The following CPED1 variants were observed in gnomAD, a reference collection of about 807,000 sequenced individuals.
CPED1 encodes the protein cadherin like and PC-esterase domain containing 1.
In CPED1, 114 loss-of-function variants were observed where a neutral mutation model predicts 128.2. The observed-to-expected ratio is 0.89, with a 90% CI of 0.76 to 1.04. The LOEUF (loss-of-function observed/expected upper bound fraction) is 1.04. Ranked by LOEUF, CPED1 falls within the 50% of genes least tolerant of loss-of-function variation. The pLI, the probability that CPED1 is intolerant of heterozygous loss-of-function variation, is 0.00. For missense variants in CPED1, 1,211 were observed against 1,207.1 expected, an observed-to-expected ratio of 1.00 and a Z score of -0.05; for synonymous variants, 462 against 426.7, an observed-to-expected ratio of 1.08 and a Z score of -1.02.
chr7:121,224,983 AATG>A (rs930289282), intron 16 of CPED1, among the ~76,000 whole-genome samples: 1 of 151,812 alleles, frequency 6.6e-6, no homozygotes, highest in Non-Finnish European at 1.5e-5. Context: ...ATTTAAGGTT[AATG>A]TTGTTTTGTG....
At chr7:121,079,273 A>G (rs1247114621) in intron 5 of CPED1, among the ~76,000 whole-genome samples, 1 of 152,174 alleles carries the variant, frequency 6.6e-6, no homozygotes, top group East Asian at 1.9e-4. Context: ...GAGAGAACAG[A>G]TCCCCAAAGA....
chr7:121,212,008 C>T (rs1437075488), intron 16 of CPED1, among the ~76,000 whole-genome samples: 1 of 151,934 alleles, frequency 6.6e-6, no homozygotes, highest in Non-Finnish European at 1.5e-5. Flanking sequence ...TCTTAAGTTC[C>T]TCCATTAAGG....
At chr7:121,233,072 C>T (rs553662540) in intron 16 of CPED1, among the ~76,000 whole-genome samples, 1 of 152,124 alleles carries the variant, frequency 6.6e-6, no homozygotes, top group Admixed American at 6.5e-5. Context: ...GAGGAAAAAC[C>T]AAGAACATCA....
At position 121,137,505 on chromosome 7, in the gene CPED1, A is replaced by G. The variant is rs575495472; in HGVS notation, c.1699+1415A>G. Among the ~76,000 whole-genome samples the G allele has an allele frequency of 1.3e-5, 2 of 152,170 alleles. 1 individual carries two copies. The highest frequency in any genetic ancestry group is 1.3e-4 in the Admixed American group (2 of 15,266). ...TTATTAATAGACGTCTTTGAATTTA[A>G]TAAAATCTAATTTTCATCTAAAATG... On this transcript the variant is annotated intron_variant, in intron 14 of 22. Transcript: ENST00000310396.
chr7:121,092,406 T>G (rs373722854), intron 5 of CPED1, among the ~76,000 whole-genome samples: 1 of 152,178 alleles, frequency 6.6e-6, no homozygotes, highest in African/African-American at 2.4e-5. Context: ...GTTCACTTAT[T>G]AAGTATAGAT....
intron 16 of CPED1, among the ~76,000 whole-genome samples, chr7:121,224,604 G>T (rs1019628360): frequency 6.6e-6 from 1 of 152,008 alleles, no homozygotes; most frequent in Non-Finnish European, 1.5e-5. Flanking sequence ...AAGTCTCTTT[G>T]TAGGTCACTA....
intron 16 of CPED1, among the ~76,000 whole-genome samples, chr7:121,190,256 A>G (rs1159692632): frequency 2.0e-5 from 3 of 151,988 alleles, no homozygotes; most frequent in African/African-American, 4.8e-5. Context: ...CCTAAGCAGA[A>G]CAACAGTGAG....
At chr7:121,054,512 A>T (rs1793442751) in intron 4 of CPED1, among the ~76,000 whole-genome samples, 1 of 152,148 alleles carries the variant, frequency 6.6e-6, no homozygotes, top group Non-Finnish European at 1.5e-5. Flanking sequence ...AATAATATTC[A>T]GTCGAAATAT....
chr7:121,206,239 G>C (rs1431573482), intron 16 of CPED1, among the ~76,000 whole-genome samples: 3 of 152,038 alleles, frequency 2.0e-5, no homozygotes, highest in South Asian at 4.1e-4. Flanking sequence ...ATAAGTTTTA[G>C]ATGGGTAATT....
chr7:121,038,835 C>T (rs1324976285), intron 3 of CPED1, among the ~76,000 whole-genome samples: 4 of 151,848 alleles, frequency 2.6e-5, no homozygotes, highest in Admixed American at 2.0e-4. Context: ...TGACGTTTTT[C>T]TCATGATTAG....
chr7:121,130,192 T>C lies in CPED1; in HGVS notation c.1475T>C (p.Val492Ala), dbSNP rs1333088763. The change falls in exon 12 of 23, where the codon GTG becomes GCG. Residue 492 changes from valine (V) to alanine (A), a missense_variant. Val to Ala is a moderately conservative substitution (Grantham distance 64). Transcript: ENST00000310396. ...MHEFYDVANP[V>A]GNPGSVLTQY... ...GAATTTTATGATGTGGCAAATCCTG[T>C]GGGAAATCCTGGCTCAGTCCTGACC... The C allele has an allele frequency of 1.9e-6, 3 of 1,612,824 alleles. No homozygotes were observed. The highest frequency in any genetic ancestry group is 2.5e-6 in the Non-Finnish European group (3 of 1,179,176).
chr7:121,210,579 T>TC (rs1349967428), intron 16 of CPED1, among the ~76,000 whole-genome samples: 1 of 152,066 alleles, frequency 6.6e-6, no homozygotes, highest in Non-Finnish European at 1.5e-5. Flanking sequence ...TCACATGTTA[T>TC]CACTCATTTG....
rs866657716 is a variant in CPED1, at chr7:121,182,815, T to G, written c.2055+40674T>G. 2.6e-5 allele frequency among the ~76,000 whole-genome samples: 4 copies of G among 152,186 alleles called. 1 individual carries two copies. The highest frequency in any genetic ancestry group is 6.8e-3 in the Middle Eastern group (2 of 294). ...CATACTGCCTACTTCACTGTGTCAT[T>G]GCGAACATTAATTAGATAAGACAAG... On this transcript the variant is annotated intron_variant, in intron 16 of 22. Coordinates refer to ENST00000310396, the MANE Select transcript of CPED1 (RefSeq NM_024913.5).
In CPED1 at chr7:121,134,630, T is replaced by C. The variant is rs1167568444; in HGVS notation, c.1648+737T>C. Among the ~76,000 whole-genome samples, 4 of 152,200 alleles carry C rather than the reference T, an allele frequency of 2.6e-5. No individual in the cohort carries two copies. The East Asian group carries it at 5.8e-4, about 22-fold the overall frequency. On this transcript the variant is annotated intron_variant, in intron 13 of 22. Transcript: ENST00000310396. Reference sequence around the variant, plus strand: ...AAGAAATGTTAAATGTTTGAAGTGATAGGTATGCTAATTAGCCACATTTAT... The same window carrying C: ...AAGAAATGTTAAATGTTTGAAGTGACAGGTATGCTAATTAGCCACATTTAT...
At chr7:121,176,334 AT>A (rs1796779109) in intron 16 of CPED1, among the ~76,000 whole-genome samples, 1 of 151,774 alleles carries the variant, frequency 6.6e-6, no homozygotes. Context: ...CATTAATAGG[AT>A]CCCTTACTAT....
At position 121,127,177 on chromosome 7, in the gene CPED1, A is replaced by T. The variant is rs1324440159; in HGVS notation, c.1222A>T (p.Asn408Tyr). 4.0e-5 allele frequency: 64 copies of T among 1,592,138 alleles called. No individual in the cohort carries two copies. Among genetic ancestry groups the T allele is most frequent in the Non-Finnish European group, 5.5e-5 (64 of 1,162,008 alleles). The change falls in exon 10 of 23, where the codon AAT (asparagine) becomes TAT (tyrosine). Residue 408 changes from asparagine (N) to tyrosine (Y), a missense_variant. By Grantham distance (143) the Asn-to-Tyr change is moderately radical. Coordinates refer to ENST00000310396, the MANE Select transcript of CPED1 (RefSeq NM_024913.5). Reference sequence around the variant, plus strand: ...AGAATTCCTTTTAAATGACACTTTCAATTTTCTCTTCCCTAATGAATCATC... The same window carrying T: ...AGAATTCCTTTTAAATGACACTTTCTATTTTCTCTTCCCTAATGAATCATC... ...TEEFLLNDTFNFLFPNESSLS... is the reference protein window; with the variant it reads ...TEEFLLNDTFYFLFPNESSLS...
At chr7:121,124,971 A>G (rs993540183) in intron 8 of CPED1, among the ~76,000 whole-genome samples, 1 of 152,154 alleles carries the variant, frequency 6.6e-6, no homozygotes, top group Non-Finnish European at 1.5e-5. Flanking sequence ...TACGTCAAAA[A>G]GTGGGGGAAG....
chr7:121,011,850 C>A (rs1585016776), intron 2 of CPED1, among the ~76,000 whole-genome samples: 1 of 152,120 alleles, frequency 6.6e-6, no homozygotes, highest in African/African-American at 2.4e-5. Flanking sequence ...TAGATCAAAC[C>A]AAATTAATTG....
intron 18 of CPED1, among the ~76,000 whole-genome samples, chr7:121,248,397 A>G (rs1190205178): frequency 1.3e-5 from 2 of 152,166 alleles, no homozygotes; most frequent in Admixed American, 1.3e-4. Context: ...CCAAAGATGT[A>G]GGAGCAGGAC....
Sources: allele counts gnomAD v4.1 joint callset (sites outside exome capture counted in the v4.1 genomes callset), GRCh38; gene constraint gnomAD v4.1.1; transcripts MANE v1.5; gene names NCBI Gene and HGNC (gene_info 2026-07-23, HGNC 2026-07-21).